Variants in HELZ observed in about 807,000 individuals in gnomAD.
HELZ encodes helicase with zinc finger.
In HELZ, 23 loss-of-function variants were observed where a neutral mutation model predicts 218.2. That is an observed-to-expected ratio of 0.11 (90% CI 0.08 to 0.15). HELZ has a LOEUF of 0.15. Among genes scored for constraint, HELZ ranks in the 10% least tolerant of loss-of-function variants. The pLI is 1.00. For synonymous variants in HELZ, 814 were observed against 829.4 expected, an observed-to-expected ratio of 0.98 and a Z score of 0.32; for missense variants, 1,813 against 2,353.7, an observed-to-expected ratio of 0.77 and a Z score of 4.75.
rs141180335 is a variant in HELZ at position 67,203,574 on chromosome 17, G to A, written c.248-131C>T. On this transcript the variant is annotated intron_variant, in intron 5 of 32. Coordinates refer to ENST00000358691, the MANE Select transcript of HELZ (RefSeq NM_014877.4). Reference sequence around the variant, plus strand: ...AGAGTAACTTCAAATACTCTAGAGGGAAGCAGTGGTGTTTCTGTTCTGTCC... The same window carrying A: ...AGAGTAACTTCAAATACTCTAGAGGAAAGCAGTGGTGTTTCTGTTCTGTCC... 1.6e-4 allele frequency: 161 copies of A among 1,011,420 alleles called. 1 individual carries two copies. In the East Asian group the frequency reaches 4.0e-3, roughly 25 times the overall value. 62.7% of individuals were successfully genotyped at this position (1,011,420 alleles called of 1,614,324 possible). A position where few individuals can be genotyped will look rare whatever the true frequency, so the allele number is the denominator to read the frequency against.
At chr17:67,117,403 G>A (rs535322917) in intron 27 of HELZ, among the ~76,000 whole-genome samples, 7 of 152,198 alleles carry the variant, frequency 4.6e-5, no homozygotes, top group Non-Finnish European at 1.0e-4. Flanking sequence ...GAGAAATTAG[G>A]AAGCATACTG....
At chr17:67,113,220 G>A (rs764345112) in intron 28 of HELZ, among the ~76,000 whole-genome samples, 4 of 152,136 alleles carry the variant, frequency 2.6e-5, no homozygotes, top group Non-Finnish European at 5.9e-5. Context: ...AAAGATAAAT[G>A]AGGAGAAGGG....
At chr17:67,201,976 C>T (rs996154756) in intron 6 of HELZ, among the ~76,000 whole-genome samples, 8 of 151,992 alleles carry the variant, frequency 5.3e-5, no homozygotes, top group Non-Finnish European at 1.2e-4. Context: ...CGAGATGGGC[C>T]AATACATTAC....
At chr17:67,231,603 A>G (rs1442449679) in intron 3 of HELZ, among the ~76,000 whole-genome samples, 1 of 151,868 alleles carries the variant, frequency 6.6e-6, no homozygotes, top group Admixed American at 6.6e-5. Flanking sequence ...AAAAAAAAAA[A>G]AAAAAAGAAA....
Position 67,109,386 on chromosome 17 carries a change from G to T in HELZ, c.4219C>A (p.Gln1407Lys). 1 of 1,614,218 alleles carries T rather than the reference G, an allele frequency of 6.2e-7. No homozygotes were observed. The highest frequency in any genetic ancestry group is 1.1e-5 in the South Asian group (1 of 91,080). Residue 1407 changes from glutamine to lysine, a missense_variant, in exon 29 of 33, where the codon CAG becomes AAG. By Grantham distance (53) the Gln-to-Lys change is moderately conservative. Coordinates refer to ENST00000358691, the MANE Select transcript of HELZ (RefSeq NM_014877.4). ...QPNQVVQQQS[Q>K]LNQQPQQPPP... ...GGCTGCTGAGGCTGCTGATTCAACT[G>T]ACTTTGCTGCTGGACTACCTGATTT...
At position 67,078,430 on chromosome 17, in the gene HELZ, G is replaced by A. The variant is rs980491145; in HGVS notation, c.5651C>T (p.Pro1884Leu). The change falls in exon 33 of 33, where the codon CCC becomes CTC. Residue 1884 changes from proline (P) to leucine (L), a missense_variant. Around this residue, in one of 4 missense-constraint regions of HELZ, gnomAD observed 938 missense variants for 1,027.5 expected, o/e 0.91. Coordinates refer to ENST00000358691, the MANE Select transcript of HELZ (RefSeq NM_014877.4). ...GGGCTTGCCCCCCGCAGAGCTCTGG[G>A]GGCTACTGCTATTGGCCGACTCCGC... is the stretch of plus-strand genomic sequence containing the variant. Reference protein sequence around the residue: ...QIAESANSSSPQSSAGGKPAM... With the variant: ...QIAESANSSSLQSSAGGKPAM... The A allele has an allele frequency of 1.3e-6, 2 of 1,596,192 alleles. No homozygotes were observed. The highest frequency in any genetic ancestry group is 1.7e-6 in the Non-Finnish European group (2 of 1,174,132).
At chr17:67,227,986 C>G (rs1210789677) in intron 3 of HELZ, among the ~76,000 whole-genome samples, 1 of 152,170 alleles carries the variant, frequency 6.6e-6, no homozygotes, top group Non-Finnish European at 1.5e-5. Flanking sequence ...AAAATTTCTT[C>G]TATCTAAATT....
At chr17:67,113,426 A>AT (rs1166352399) in intron 28 of HELZ, among the ~76,000 whole-genome samples, 2 of 151,974 alleles carry the variant, frequency 1.3e-5, no homozygotes, top group Middle Eastern at 3.4e-3. Context: ...CGCCCGGCTA[A>AT]TTTTTTTGTA....
At chr17:67,152,797 AGG>A (rs1042941071) in intron 17 of HELZ, among the ~76,000 whole-genome samples, 2 of 150,458 alleles carry the variant, frequency 1.3e-5, no homozygotes, top group Non-Finnish European at 3.0e-5. Context: ...AACTAGTGGA[AGG>A]AAGAATGACT....
At chr17:67,245,487 C>T (rs914264063), upstream of HELZ, 3 of 985,714 alleles carry the variant, frequency 3.0e-6, no homozygotes, top group African/African-American at 5.2e-5. Flanking sequence ...CCTGCCCGGG[C>T]AGACGCCCCG....
intron 31 of HELZ, among the ~76,000 whole-genome samples, chr17:67,090,543 G>A (rs1356539504): frequency 6.6e-6 from 1 of 152,038 alleles, no homozygotes; most frequent in Admixed American, 6.5e-5. Flanking sequence ...TTTTTTGGAA[G>A]GTTTTAATTA....
At position 67,239,940 on chromosome 17, in the gene HELZ, G is replaced by A. The variant is rs570634249; in HGVS notation, c.-75-451C>T. On this transcript the variant is annotated intron_variant, in intron 2 of 32. Coordinates refer to ENST00000358691, the MANE Select transcript of HELZ (RefSeq NM_014877.4). ...GTGAGTTGCTATGAGAATTAAAGGA[G>A]ATGATGAGTTATAAAAAGCCTATAG... 4 of 152,238 alleles carry A rather than the reference G, an allele frequency of 2.6e-5. No individual in the cohort carries two copies. The East Asian group carries it at 7.7e-4, about 29-fold the overall frequency. The allele number at this position is 152,238 out of a possible 1,614,324, so 9.4% of individuals were successfully genotyped here. A position where few individuals can be genotyped will look rare whatever the true frequency, so the allele number is the denominator to read the frequency against.
At chr17:67,181,143 T>C (rs1430450018) in intron 12 of HELZ, among the ~76,000 whole-genome samples, 1 of 152,182 alleles carries the variant, frequency 6.6e-6, no homozygotes, top group African/African-American at 2.4e-5. Context: ...AACTACTCTT[T>C]GGTGGTGGGG....
chr17:67,224,590 T>C (rs952812505), intron 3 of HELZ: 1 of 471,284 alleles, frequency 2.1e-6, no homozygotes, highest in Non-Finnish European at 3.9e-6. Flanking sequence ...ATGATCATGT[T>C]ATTTATTACT....
At chr17:67,152,647 A>C (rs1377958966) in intron 17 of HELZ, among the ~76,000 whole-genome samples, 3 of 152,058 alleles carry the variant, frequency 2.0e-5, no homozygotes, top group Non-Finnish European at 2.9e-5. Flanking sequence ...GGATATATCC[A>C]GTAAGCAAGG....
chr17:67,228,594 A>G (rs1354707063), intron 3 of HELZ, among the ~76,000 whole-genome samples: 1 of 151,838 alleles, frequency 6.6e-6, no homozygotes, highest in Admixed American at 6.6e-5. Flanking sequence ...CCCGGGAGGC[A>G]GAGGTTGCAG....
At chr17:67,154,617 C>T (rs551680212) in intron 17 of HELZ, among the ~76,000 whole-genome samples, 5 of 152,048 alleles carry the variant, frequency 3.3e-5, no homozygotes, top group African/African-American at 1.2e-4. Flanking sequence ...AAGAAAAATA[C>T]AAGCCTGAAG....
intron 27 of HELZ, among the ~76,000 whole-genome samples, chr17:67,119,151 CA>C (rs1233876877): frequency 2.0e-5 from 3 of 152,096 alleles, no homozygotes; most frequent in African/African-American, 4.8e-5. Flanking sequence ...CCAGCAATCT[CA>C]CTCCCAGGTA....
intron 5 of HELZ, among the ~76,000 whole-genome samples, chr17:67,214,716 A>G (rs2040550804): frequency 6.6e-6 from 1 of 152,194 alleles, no homozygotes. Flanking sequence ...CAATTCCACC[A>G]AACGTGTGTG....
Sources: gnomAD v4.1 joint callset for allele counts (sites outside exome capture counted in the v4.1 genomes callset) on GRCh38, gnomAD v4.1.1 for gene constraint, gnomAD v4.1.1 regional missense constraint, MANE v1.5 for transcripts, NCBI Gene and HGNC (gene_info 2026-07-23, HGNC 2026-07-21) for gene names.